The following MSRA variants were observed in gnomAD, a reference collection of about 807,000 sequenced individuals.
MSRA encodes mitochondrial peptide methionine sulfoxide reductase.
Under a neutral mutation model 31.3 loss-of-function variants are expected in MSRA, and 54 were observed. That is an observed-to-expected ratio of 1.73 (90% confidence interval 1.39 to 2.17). The LOEUF is 2.17. Among genes scored for constraint, MSRA ranks in the 30% most tolerant of loss-of-function variants. MSRA has a pLI of 0.00. For missense variants in MSRA, 507 were observed against 300.9 expected, an observed-to-expected ratio of 1.69 and a Z score of -5.07; for synonymous variants, 169 against 116.5, an observed-to-expected ratio of 1.45 and a Z score of -2.90.
At chr8:10,083,392 C>T (rs1045755376) in intron 1 of MSRA, among the ~76,000 whole-genome samples, 1 of 152,178 alleles carries the variant, frequency 6.6e-6, no homozygotes, top group Non-Finnish European at 1.5e-5. Flanking sequence ...TTAGAAATCT[C>T]TTGGGTATCT....
chr8:10,392,284 C>T (rs1806794125), intron 5 of MSRA, among the ~76,000 whole-genome samples: 1 of 152,224 alleles, frequency 6.6e-6, no homozygotes, highest in South Asian at 2.1e-4. Flanking sequence ...CTTCCTTAAA[C>T]ATTGAGCAAT....
chr8:10,392,881 C>G (rs552725649), intron 5 of MSRA, among the ~76,000 whole-genome samples: 1 of 31,418 alleles, frequency 3.2e-5, no homozygotes, highest in African/African-American at 1.3e-4. Context: ...CCCGTCTCTA[C>G]TAAAAATGCA....
intron 5 of MSRA, among the ~76,000 whole-genome samples, chr8:10,417,774 G>GTGTA (rs1419106965): frequency 1.3e-5 from 2 of 151,266 alleles, no homozygotes; most frequent in Non-Finnish European, 2.9e-5. Context: ...GTGTGTGTGT[G>GTGTA]TGTGTCTGTG....
At chr8:10,346,404 C>G (rs1803778681) in intron 5 of MSRA, among the ~76,000 whole-genome samples, 1 of 152,182 alleles carries the variant, frequency 6.6e-6, no homozygotes, top group Non-Finnish European at 1.5e-5. Flanking sequence ...ACACCCTCCC[C>G]CACTCTAGGG....
intron 1 of MSRA, among the ~76,000 whole-genome samples, chr8:10,082,055 A>C (rs1798322804): frequency 1.3e-5 from 2 of 152,052 alleles, no homozygotes; most frequent in South Asian, 4.1e-4. Context: ...TATATTATGC[A>C]ATTTCCTTGG....
At chr8:10,412,388 T>C (rs1470733607) in intron 5 of MSRA, among the ~76,000 whole-genome samples, 2 of 152,236 alleles carry the variant, frequency 1.3e-5, no homozygotes. Context: ...AAATGTGTGC[T>C]GAACCAACTG....
At chr8:10,151,810 A>G (rs1451368059) in intron 1 of MSRA, among the ~76,000 whole-genome samples, 1 of 152,190 alleles carries the variant, frequency 6.6e-6, no homozygotes, top group East Asian at 1.9e-4. Flanking sequence ...CTTATTTCTT[A>G]TTCTGCGTGT....
intron 1 of MSRA, among the ~76,000 whole-genome samples, chr8:10,063,578 A>AT (rs1563387975): frequency 7.2e-5 from 11 of 152,156 alleles, no homozygotes; most frequent in Non-Finnish European, 1.6e-4. Flanking sequence ...ATGGGGGATT[A>AT]GGAGGTGGGG....
chr8:10,388,528 C>T (rs898258333), intron 5 of MSRA, among the ~76,000 whole-genome samples: 23 of 152,172 alleles, frequency 1.5e-4, no homozygotes, highest in African/African-American at 5.1e-4. Context: ...TGGTCTCCTG[C>T]GTGAGCTTCG....
Position 10,245,216 on chromosome 8 carries a change from C to T in MSRA, c.324C>T (p.Val108=). ...CTTCAAATCCTACTTATAAAGAAGT[C>T]TGCTCAGGTAGGAAGAATTTGCTTT... ...GYTSNPTYKE[V]CSEKTGHAEV... The change falls in exon 3 of 6, where the codon GTC becomes GTT. Residue 108 remains valine, a synonymous_variant. Transcript: ENST00000317173. 1.2e-6 allele frequency: 2 copies of T among 1,613,008 alleles called. No homozygotes were observed. The highest frequency in any genetic ancestry group is 2.2e-5 in the East Asian group (1 of 44,828).
At chr8:10,348,183 A>G (rs1223248467) in intron 5 of MSRA, among the ~76,000 whole-genome samples, 1 of 152,058 alleles carries the variant, frequency 6.6e-6, no homozygotes, top group Non-Finnish European at 1.5e-5. Flanking sequence ...TAGCAGCATA[A>G]TTGTGTGTCT....
intron 1 of MSRA, among the ~76,000 whole-genome samples, chr8:10,151,987 GTC>G (rs1244096788): frequency 6.6e-6 from 1 of 152,164 alleles, no homozygotes; most frequent in Non-Finnish European, 1.5e-5. Flanking sequence ...AATTTATTGC[GTC>G]TGTTTTATTC....
intron 2 of MSRA, among the ~76,000 whole-genome samples, chr8:10,213,215 T>C (rs1425995368): frequency 6.6e-6 from 1 of 152,140 alleles, no homozygotes; most frequent in Non-Finnish European, 1.5e-5. Flanking sequence ...TCCCAGCCTT[T>C]GGTAACCATC....
At chr8:10,243,086 C>T (rs1797421816) in intron 2 of MSRA, among the ~76,000 whole-genome samples, 1 of 152,094 alleles carries the variant, frequency 6.6e-6, no homozygotes, top group African/African-American at 2.4e-5. Flanking sequence ...AAACCTGGGG[C>T]TATTGGAGTG....
rs141551624 is a variant in MSRA, at chr8:10,205,808, A to G, written c.143-2025A>G. 3.6e-3 allele frequency among the ~76,000 whole-genome samples: 552 copies of G among 152,288 alleles called. 1 individual carries two copies. Among genetic ancestry groups the G allele is most frequent in the Admixed American group, 0.025 (378 of 15,290 alleles). On this transcript the variant is annotated intron_variant, in intron 1 of 5. Transcript: ENST00000317173. ...TTTTAATTAGTTGTCATTATAGTCT[A>G]TGTAGAAGTTGTAATAGGATTGTGT...
chr8:10,154,437 G>GC (rs1435542867), intron 1 of MSRA, among the ~76,000 whole-genome samples: 1 of 152,004 alleles, frequency 6.6e-6, no homozygotes, highest in African/African-American at 2.4e-5. Flanking sequence ...GAGTGCAGTG[G>GC]CACAATCTCG....
chr8:10,205,088 T>A (rs956644654), intron 1 of MSRA, among the ~76,000 whole-genome samples: 2 of 152,136 alleles, frequency 1.3e-5, no homozygotes, highest in Non-Finnish European at 2.9e-5. Flanking sequence ...GAGCTTTGAC[T>A]GTGGCCTGAG....
intron 1 of MSRA, among the ~76,000 whole-genome samples, chr8:10,154,988 A>AT (rs11460571): frequency 0.15 from 18,395 of 124,286 alleles, 2,573 homozygotes; most frequent in East Asian, 0.28. Flanking sequence ...ATAGTTTGAT[A>AT]ATGTGTATAT....
intron 2 of MSRA, among the ~76,000 whole-genome samples, chr8:10,234,318 G>A (rs957104189): frequency 1.2e-4 from 19 of 152,114 alleles, no homozygotes; most frequent in Non-Finnish European, 7.4e-5. Flanking sequence ...TTTACACTGC[G>A]GTAATGAGAT....
Sources: allele counts gnomAD v4.1 joint callset (sites outside exome capture counted in the v4.1 genomes callset), GRCh38; gene constraint gnomAD v4.1.1; transcripts MANE v1.5; gene names NCBI Gene and HGNC (gene_info 2026-07-23, HGNC 2026-07-21).